Variants in PCDHGA1 observed in about 807,000 individuals in gnomAD.
PCDHGA1 encodes protocadherin gamma-A1.
A neutral mutation model predicts 58.0 loss-of-function variants in PCDHGA1; 32 were observed. That is an observed-to-expected ratio of 0.55 (90% CI 0.42 to 0.74). PCDHGA1 has a LOEUF of 0.74. Ranked by LOEUF, PCDHGA1 falls within the 30% of genes least tolerant of loss-of-function variation. The pLI, the probability that PCDHGA1 is intolerant of heterozygous loss-of-function variation, is 0.00. For missense variants in PCDHGA1, 1,205 were observed against 1,182.3 expected, an observed-to-expected ratio of 1.02 and a Z score of -0.28; for synonymous variants, 498 against 501.1, an observed-to-expected ratio of 0.99 and a Z score of 0.08.
chr5:141,478,290 A>G, intron 1 of PCDHGA1: 1 of 1,614,056 alleles, frequency 6.2e-7, no homozygotes, highest in South Asian at 1.1e-5. Flanking sequence ...CAGTCTAGAG[A>G]CCTATACCGA....
At chr5:141,371,709 A>G in intron 1 of PCDHGA1, 1 of 1,613,916 alleles carries the variant, frequency 6.2e-7, no homozygotes, top group East Asian at 2.2e-5. Context: ...CAAGACCATC[A>G]CTCTGCACAT....
At chr5:141,492,385 G>A (rs1224771842) in intron 1 of PCDHGA1, among the ~76,000 whole-genome samples, 1 of 152,208 alleles carries the variant, frequency 6.6e-6, no homozygotes, top group Non-Finnish European at 1.5e-5. Context: ...GGCCTGTTCC[G>A]GTCCACTCGC....
Position 141,489,992 on chromosome 5 carries a change from TC to T in PCDHGA1, c.2422-4812del. The T allele has an allele frequency of 6.2e-7, 1 of 1,614,216 alleles. No individual in the cohort carries two copies. The highest frequency in any genetic ancestry group is 8.5e-7 in the Non-Finnish European group (1 of 1,180,016). On this transcript the variant is annotated intron_variant, in intron 1 of 3. Coordinates refer to ENST00000517417, the MANE Select transcript of PCDHGA1 (RefSeq NM_018912.3). The surrounding 1 kb of genome is among the most constrained non-coding windows in gnomAD (Gnocchi z 4.5). The stretch of plus-strand genomic sequence containing the variant: ...CAATCCTCAGTTCTACGTGTGGGAA[TC>T]CCAGAGAATGCACCCATTGGTACTC...
chr5:141,489,066 C>G lies in PCDHGA1; in HGVS notation c.2422-5741C>G. The stretch of plus-strand genomic sequence containing the variant: ...CACTCAAATTCAGCTCCCCTCCCCC[C>G]TGCCCACCCCCGCCACTCGGTGACT... On this transcript the variant is annotated intron_variant, in intron 1 of 3. Transcript: ENST00000517417. This position sits in a 1 kb window ranked among gnomAD's most constrained non-coding sequence, Gnocchi z 4.5. 1 of 391,132 alleles carries G rather than the reference C, an allele frequency of 2.6e-6. No individual in the cohort carries two copies. Among genetic ancestry groups the G allele is most frequent in the South Asian group, 4.2e-5 (1 of 24,028 alleles). 24.2% of individuals were successfully genotyped at this position (391,132 alleles called of 1,614,324 possible).
intron 1 of PCDHGA1, chr5:141,404,658 C>A: frequency 6.2e-7 from 1 of 1,614,198 alleles, no homozygotes; most frequent in Non-Finnish European, 8.5e-7. Flanking sequence ...GCCCTCCCCA[C>A]TGATGGTTCT....
chr5:141,355,658 C>T, intron 1 of PCDHGA1: 1 of 1,614,004 alleles, frequency 6.2e-7, no homozygotes, highest in Non-Finnish European at 8.5e-7. Context: ...GCAAGATTTC[C>T]TCTTCCTGAA....
rs1591337394 is a variant in PCDHGA1, at chr5:141,434,573, C to A, written c.2422-60234C>A. 2.0e-5 allele frequency among the ~76,000 whole-genome samples: 3 copies of A among 152,336 alleles called. No individual in the cohort carries two copies. The South Asian group carries it at 6.2e-4, about 32-fold the overall frequency. On this transcript the variant is annotated intron_variant, in intron 1 of 3. Transcript: ENST00000517417. The stretch of plus-strand genomic sequence containing the variant: ...TCTGTGCCTTAAGGACATGCCCCTG[C>A]TGCAGATAACTACCTCAATCCATCC...
intron 1 of PCDHGA1, among the ~76,000 whole-genome samples, chr5:141,349,740 T>G (rs1013664478): frequency 2.6e-5 from 4 of 152,172 alleles, no homozygotes; most frequent in Non-Finnish European, 5.9e-5. Flanking sequence ...ATTCACTTAT[T>G]TGGATACAGC....
At chr5:141,504,738 C>G (rs2099840693) in intron 2 of PCDHGA1, among the ~76,000 whole-genome samples, 1 of 151,874 alleles carries the variant, frequency 6.6e-6, no homozygotes, top group Non-Finnish European at 1.5e-5. Flanking sequence ...GCTTAGGAAG[C>G]CATTGAATTT....
At chr5:141,466,275 A>G (rs1163982252) in intron 1 of PCDHGA1, among the ~76,000 whole-genome samples, 1 of 152,112 alleles carries the variant, frequency 6.6e-6, no homozygotes. Context: ...AGCTCAAGCA[A>G]TCTTCCCACC....
At chr5:141,418,572 A>AC (rs752316020) in intron 1 of PCDHGA1, 2 of 1,613,794 alleles carry the variant, frequency 1.2e-6, no homozygotes, top group African/African-American at 1.3e-5. Context: ...GCCAATGACA[A>AC]CCCCCCAGTG....
intron 3 of PCDHGA1, among the ~76,000 whole-genome samples, chr5:141,505,861 C>A (rs115699706): frequency 0.034 from 5,102 of 152,242 alleles, 131 homozygotes; most frequent in Admixed American, 0.057. Flanking sequence ...GGGACAGGGA[C>A]CCCAAAGGGT....
chr5:141,471,635 A>G (rs1477641248), intron 1 of PCDHGA1: 1 of 152,224 alleles, frequency 6.6e-6, no homozygotes, highest in Non-Finnish European at 1.5e-5. Context: ...GGTATGGATT[A>G]GTAATATACT....
intron 1 of PCDHGA1, among the ~76,000 whole-genome samples, chr5:141,473,069 A>G (rs552033483): frequency 3.9e-4 from 59 of 152,180 alleles, no homozygotes; most frequent in South Asian, 8.3e-4. Flanking sequence ...AAGTTACAGC[A>G]TCTTTGTTTA....
chr5:141,490,882 A>G lies in PCDHGA1; in HGVS notation c.2422-3925A>G, dbSNP rs758716907. ...CGGCTCTCCCCCATTGCATGCCAAC[A>G]CATCTCTGCATGTGTTTGTCCTAGA... On this transcript the variant is annotated intron_variant, in intron 1 of 3. Coordinates refer to ENST00000517417, the MANE Select transcript of PCDHGA1 (RefSeq NM_018912.3). This position sits in a 1 kb window ranked among gnomAD's most constrained non-coding sequence, Gnocchi z 5.4. 6.2e-7 allele frequency: 1 copy of G among 1,613,848 alleles called. No individual in the cohort carries two copies. Among genetic ancestry groups the G allele is most frequent in the Non-Finnish European group, 8.5e-7 (1 of 1,179,920 alleles).
In PCDHGA1 at chr5:141,366,007, G is replaced by A. The variant is rs764457320; in HGVS notation, c.2421+32902G>A. 6.2e-6 allele frequency: 10 copies of A among 1,614,058 alleles called. No homozygotes were observed. In the Admixed American group the frequency reaches 6.7e-5, roughly 11 times the overall value. The stretch of plus-strand genomic sequence containing the variant: ...TTGTGCTGGACCAGAACGACAATAC[G>A]CCTGAGATCCTGTACCCCGCCCTCC... On this transcript the variant is annotated intron_variant, in intron 1 of 3. Transcript: ENST00000517417.
intron 1 of PCDHGA1, chr5:141,340,546 G>T: frequency 6.2e-7 from 1 of 1,614,240 alleles, no homozygotes; most frequent in Non-Finnish European, 8.5e-7. Context: ...ATGAGCAGTT[G>T]CGAGACTTGC....
chr5:141,504,077 G>A (rs939470644), intron 2 of PCDHGA1, among the ~76,000 whole-genome samples: 3 of 152,124 alleles, frequency 2.0e-5, no homozygotes, highest in Non-Finnish European at 2.9e-5. Context: ...GCCAGATGGT[G>A]CCAAACAGTT....
intron 1 of PCDHGA1, among the ~76,000 whole-genome samples, chr5:141,472,590 C>G (rs1161871973): frequency 6.6e-6 from 1 of 151,908 alleles, no homozygotes; most frequent in African/African-American, 2.4e-5. Flanking sequence ...GTCAGAAGCT[C>G]TCTTGAAATT....
Sources: allele counts gnomAD v4.1 joint callset (sites outside exome capture counted in the v4.1 genomes callset), GRCh38; gene constraint gnomAD v4.1.1; non-coding constraint Gnocchi (gnomAD v3.1); transcripts MANE v1.5; gene names NCBI Gene and HGNC (gene_info 2026-07-23, HGNC 2026-07-21).